The following ASTN2 variants were observed in gnomAD, a reference collection of about 807,000 sequenced individuals.
ASTN2 encodes astrotactin 2.
In ASTN2, 54 loss-of-function variants were observed where a neutral mutation model predicts 139.8. The observed-to-expected ratio is 0.39, with a 90% CI of 0.31 to 0.48. ASTN2 has a LOEUF of 0.48. ASTN2 is among the 20% of genes least tolerant of loss of function. ASTN2 has a pLI of 0.95. For missense variants in ASTN2, 1,565 were observed against 1,725.1 expected (o/e 0.91, Z 1.64); for synonymous variants, 756 against 719.5 (o/e 1.05, Z -0.81).
At chr9:116,473,621 G>C (rs998193448) in intron 20 of ASTN2, among the ~76,000 whole-genome samples, 1 of 152,234 alleles carries the variant, frequency 6.6e-6, no homozygotes, top group African/African-American at 2.4e-5. Flanking sequence ...TTCAAGGCCA[G>C]GTGTGGTGGC....
intron 3 of ASTN2, among the ~76,000 whole-genome samples, chr9:117,173,913 C>T (rs1054142036): frequency 2.0e-5 from 3 of 151,332 alleles, no homozygotes; most frequent in African/African-American, 7.3e-5. Context: ...TTTTTTTAAA[C>T]CTTTTATCAC....
intron 12 of ASTN2, among the ~76,000 whole-genome samples, chr9:116,816,908 T>TAAAC (rs1201588891): frequency 6.6e-6 from 1 of 151,390 alleles, no homozygotes; most frequent in African/African-American, 2.4e-5. Context: ...AATAAATAAA[T>TAAAC]AAATAAATAA....
chr9:117,345,528 C>T lies in ASTN2; in HGVS notation c.443-54015G>A, dbSNP rs144429728. Among the ~76,000 whole-genome samples the T allele has an allele frequency of 4.0e-3, 609 of 152,246 alleles. 6 individuals are homozygous for T. The highest frequency in any genetic ancestry group is 0.014 in the African/African-American group (584 of 41,550). On this transcript the variant is annotated intron_variant, in intron 1 of 22. Transcript: ENST00000313400. ...TGGCTCAAAGAGATGACGATCTTGC[C>T]CAAGGTCACACAGCTGATAGGTGGC... is the stretch of plus-strand genomic sequence containing the variant.
At chr9:116,542,505 T>A (rs1231097602) in intron 19 of ASTN2, among the ~76,000 whole-genome samples, 1 of 152,198 alleles carries the variant, frequency 6.6e-6, no homozygotes, top group Non-Finnish European at 1.5e-5. Flanking sequence ...CAATGTTAAC[T>A]TTAAAAACAA....
intron 10 of ASTN2, among the ~76,000 whole-genome samples, chr9:116,953,277 CAA>C (rs999535086): frequency 6.6e-6 from 1 of 152,222 alleles, no homozygotes; most frequent in African/African-American, 2.4e-5. Context: ...CCCAAAGCCA[CAA>C]AGAGAGGTTG....
chr9:116,803,733 C>A (rs1320813780), intron 13 of ASTN2, among the ~76,000 whole-genome samples: 2 of 150,754 alleles, frequency 1.3e-5, no homozygotes, highest in Non-Finnish European at 3.0e-5. Context: ...ATTGTGTTAG[C>A]CAGGATGGTC....
intron 13 of ASTN2, among the ~76,000 whole-genome samples, chr9:116,770,720 G>A (rs1441092021): frequency 6.6e-6 from 1 of 151,924 alleles, no homozygotes; most frequent in Non-Finnish European, 1.5e-5. Flanking sequence ...TTAGTTTCCT[G>A]TTCTTGAACA....
intron 10 of ASTN2, among the ~76,000 whole-genome samples, chr9:116,914,037 C>T (rs910319506): frequency 2.7e-5 from 4 of 147,778 alleles, no homozygotes; most frequent in Non-Finnish European, 3.0e-5. Context: ...GAGAGAACAG[C>T]ATATGCAGAG....
intron 16 of ASTN2, chr9:116,686,638 G>C: frequency 6.7e-7 from 1 of 1,495,010 alleles, no homozygotes; most frequent in South Asian, 1.2e-5. Flanking sequence ...CCTCCCACCT[G>C]GTAAGATTCC....
At chr9:117,218,691 T>C (rs1428984316) in intron 2 of ASTN2, among the ~76,000 whole-genome samples, 1 of 152,226 alleles carries the variant, frequency 6.6e-6, no homozygotes, top group African/African-American at 2.4e-5. Context: ...CTTGGCTTGC[T>C]CCTATGGACC....
intron 2 of ASTN2, among the ~76,000 whole-genome samples, chr9:117,229,612 T>C (rs1418511997): frequency 6.6e-6 from 1 of 152,198 alleles, no homozygotes; most frequent in Admixed American, 6.5e-5. Flanking sequence ...GGGAACTGTC[T>C]AAACTTCAGA....
intron 22 of ASTN2, chr9:116,437,226 G>C: frequency 2.2e-6 from 1 of 445,578 alleles, no homozygotes; most frequent in African/African-American, 2.1e-5. Flanking sequence ...CACTGTTCTA[G>C]TTCGTCCTTA....
intron 16 of ASTN2, chr9:116,697,725 C>T (rs1263206772): frequency 6.2e-7 from 1 of 1,613,522 alleles, no homozygotes; most frequent in South Asian, 1.1e-5. Flanking sequence ...GCTAGCAATA[C>T]CCTTCAAAGG....
intron 11 of ASTN2, among the ~76,000 whole-genome samples, chr9:116,847,312 C>T (rs1270162138): frequency 2.0e-5 from 3 of 152,092 alleles, no homozygotes; most frequent in Admixed American, 1.3e-4. Context: ...GACGGCGTTT[C>T]ACTATGTTGG....
At chr9:117,041,658 T>G (rs1473710369) in intron 5 of ASTN2, among the ~76,000 whole-genome samples, 1 of 152,200 alleles carries the variant, frequency 6.6e-6, no homozygotes, top group Non-Finnish European at 1.5e-5. Context: ...AGCATCTGGT[T>G]GCAGGATGTG....
intron 1 of ASTN2, among the ~76,000 whole-genome samples, chr9:117,374,203 C>T (rs993951722): frequency 5.9e-5 from 9 of 151,896 alleles, no homozygotes; most frequent in Non-Finnish European, 8.8e-5. Flanking sequence ...GCAAATCATC[C>T]AAGACAGCCA....
intron 13 of ASTN2, among the ~76,000 whole-genome samples, chr9:116,765,116 T>C (rs1829774629): frequency 6.6e-6 from 1 of 152,192 alleles, no homozygotes; most frequent in South Asian, 2.1e-4. Flanking sequence ...TGGGCTGAAT[T>C]AGGGTAATTC....
intron 2 of ASTN2, among the ~76,000 whole-genome samples, chr9:117,246,038 G>A (rs553520145): frequency 6.6e-5 from 10 of 152,096 alleles, no homozygotes; most frequent in African/African-American, 9.7e-5. Flanking sequence ...TCCCTGATGC[G>A]TGGCATAGTG....
rs374437710 is a variant in ASTN2, at chr9:117,207,395, A to C, written c.1015+6963T>G. 2.6e-5 allele frequency among the ~76,000 whole-genome samples: 4 copies of C among 152,090 alleles called. No homozygotes were observed. The East Asian group carries it at 7.8e-4, about 30-fold the overall frequency. On this transcript the variant is annotated intron_variant, in intron 3 of 22. Coordinates refer to ENST00000313400, the MANE Select transcript of ASTN2 (RefSeq NM_001365068.1). ...CCACCCAGGCTGTTCAGGCCACTGC[A>C]TGCCCATGTCTCAAGCTGGAGAAAT...
Sources: allele counts gnomAD v4.1 joint callset (sites outside exome capture counted in the v4.1 genomes callset), GRCh38; gene constraint gnomAD v4.1.1; transcripts MANE v1.5; gene names NCBI Gene and HGNC (gene_info 2026-07-23, HGNC 2026-07-21).